Variants in PEX5L observed in about 807,000 individuals in gnomAD.
PEX5L encodes the protein PEX5-related protein.
Under a neutral mutation model 84.0 loss-of-function variants are expected in PEX5L, and 30 were observed. The ratio of observed to expected loss-of-function variants is 0.36; its 90% confidence interval spans 0.27 to 0.48. The LOEUF (loss-of-function observed/expected upper bound fraction) is 0.48. Ranked by LOEUF, PEX5L falls within the 20% of genes least tolerant of loss-of-function variation. PEX5L has a pLI of 0.99. For synonymous variants in PEX5L, 270 were observed against 283.1 expected (o/e 0.95, Z 0.46); for missense variants, 533 against 754.6 (o/e 0.71, Z 3.44).
chr3:180,021,353 G>C (rs200862183), intron 1 of PEX5L, among the ~76,000 whole-genome samples: 2 of 152,126 alleles, frequency 1.3e-5, no homozygotes, highest in Non-Finnish European at 2.9e-5. Context: ...TATTATTGTG[G>C]AGGCCAGTGT....
intron 2 of PEX5L, among the ~76,000 whole-genome samples, chr3:179,908,466 TTTTTA>T (rs1199425338): frequency 6.6e-5 from 10 of 152,336 alleles, no homozygotes; most frequent in East Asian, 1.9e-4. Context: ...GTTTTATCTT[TTTTTA>T]TTTTATTATT....
intron 2 of PEX5L, among the ~76,000 whole-genome samples, chr3:179,932,338 G>A (rs149066467): frequency 2.0e-5 from 3 of 152,022 alleles, no homozygotes; most frequent in African/African-American, 2.4e-5. Context: ...AATTACCTAC[G>A]GTGAATTTGA....
rs6805299 is a variant in PEX5L at position 179,894,586 on chromosome 3, G to T, written c.198+3556C>A. Among the ~76,000 whole-genome samples the T allele has an allele frequency of 5.5e-3, 833 of 152,194 alleles. 8 individuals carry two copies. Among genetic ancestry groups the T allele is most frequent in the African/African-American group, 0.019 (784 of 41,542 alleles). On this transcript the variant is annotated intron_variant, in intron 3 of 14. Transcript: ENST00000467460. Reference sequence around the variant, plus strand: ...TAACAATAAATTAAGGCAGGCAGGAGAATGTAATTAAGACAATTTTTTAAG... The same window carrying T: ...TAACAATAAATTAAGGCAGGCAGGATAATGTAATTAAGACAATTTTTTAAG...
intron 3 of PEX5L, among the ~76,000 whole-genome samples, chr3:179,888,832 A>G (rs989297994): frequency 1.3e-5 from 2 of 152,080 alleles, no homozygotes; most frequent in African/African-American, 2.4e-5. Flanking sequence ...TGGCATGATC[A>G]TAACTCACCG....
rs934382627 is a variant in PEX5L, at chr3:179,801,446, G to C, written c.*382C>G. On this transcript the variant is annotated 3_prime_UTR_variant, in exon 15 of 15. Transcript: ENST00000467460. ...AGTCAGAATTTCCCAATCTGAGGCA[G>C]TGCTTTTTCCATGTTTCCCATGAAC... 1 of 208,200 alleles carries C rather than the reference G, an allele frequency of 4.8e-6. No homozygotes were observed. The highest frequency in any genetic ancestry group is 9.9e-6 in the Non-Finnish European group (1 of 101,310). The allele number at this position is 208,200 out of a possible 1,614,324, so 12.9% of individuals were successfully genotyped here. A position where few individuals can be genotyped will look rare whatever the true frequency, so the allele number is the denominator to read the frequency against.
chr3:179,900,557 C>T, intron 2 of PEX5L: 2 of 732,860 alleles, frequency 2.7e-6, no homozygotes, highest in Non-Finnish European at 4.5e-6. Context: ...AAAACAAAAA[C>T]AAAACAAAAA....
chr3:179,913,552 C>T (rs1388803470), intron 2 of PEX5L, among the ~76,000 whole-genome samples: 1 of 151,912 alleles, frequency 6.6e-6, no homozygotes, highest in Admixed American at 6.6e-5. Flanking sequence ...AAACAATTTG[C>T]TCAGTAGGCT....
chr3:179,884,277 A>G (rs1010119028), intron 4 of PEX5L, among the ~76,000 whole-genome samples: 1 of 152,208 alleles, frequency 6.6e-6, no homozygotes, highest in South Asian at 2.1e-4. Context: ...TTGGAGACTG[A>G]AAGATTAATC....
intron 3 of PEX5L, among the ~76,000 whole-genome samples, chr3:179,890,019 A>G (rs3774249): frequency 0.27 from 40,503 of 152,144 alleles, 6,303 homozygotes; most frequent in East Asian, 0.61. Context: ...GTGTCCCAGA[A>G]TCTGTATCTC....
intron 3 of PEX5L, among the ~76,000 whole-genome samples, chr3:179,890,151 C>T (rs1757172352): frequency 6.6e-6 from 1 of 152,138 alleles, no homozygotes; most frequent in South Asian, 2.1e-4. Context: ...GTAATGAACT[C>T]ATCTAGTGTG....
chr3:179,986,659 C>T (rs1786879498), intron 1 of PEX5L, among the ~76,000 whole-genome samples: 1 of 152,116 alleles, frequency 6.6e-6, no homozygotes, highest in African/African-American at 2.4e-5. Flanking sequence ...GTCTTGGCCT[C>T]CCAAAGTGCT....
Position 179,887,789 on chromosome 3 carries a change from G to A in PEX5L, c.199-5C>T. The A allele has an allele frequency of 6.3e-7, 1 of 1,584,626 alleles. No homozygotes were observed. The highest frequency in any genetic ancestry group is 8.7e-7 in the Non-Finnish European group (1 of 1,153,332). ...TTCTTGTTGCTCATTCACCAGCTGA[G>A]AACAAATGAACAGAGGTGTCAAAGG... On this transcript the variant is annotated splice_polypyrimidine_tract_variant and splice_region_variant and intron_variant, in intron 3 of 14. Transcript: ENST00000467460.
At chr3:179,844,214 G>A (rs1356271520) in intron 8 of PEX5L, among the ~76,000 whole-genome samples, 1 of 152,210 alleles carries the variant, frequency 6.6e-6, no homozygotes, top group African/African-American at 2.4e-5. Flanking sequence ...CCTGAAGGAT[G>A]CAAAGCCGTT....
intron 9 of PEX5L, among the ~76,000 whole-genome samples, chr3:179,816,359 C>T (rs894034755): frequency 6.6e-6 from 1 of 152,152 alleles, no homozygotes. Context: ...CAATGATAGA[C>T]TGGATAAAGA....
At chr3:179,989,364 A>G (rs567643897) in intron 1 of PEX5L, among the ~76,000 whole-genome samples, 3 of 152,208 alleles carry the variant, frequency 2.0e-5, no homozygotes, top group Admixed American at 6.5e-5. Flanking sequence ...AATGCTCACC[A>G]TGCTTAGTTT....
chr3:179,974,819 C>A (rs968096982), intron 1 of PEX5L, among the ~76,000 whole-genome samples: 1 of 152,160 alleles, frequency 6.6e-6, no homozygotes, highest in African/African-American at 2.4e-5. Context: ...GTTTCCTACC[C>A]CTTTGTCCTC....
rs1241189078 is a variant in PEX5L at position 179,961,363 on chromosome 3, AT to A, written c.93+10230del. ...GAGAAAAGGAAGAAAGCAATGGAGC[AT>A]AAAAAAAAAAACAGGTTTGCAAGAA... On this transcript the variant is annotated intron_variant, in intron 2 of 14. Transcript: ENST00000467460. 4.7e-5 allele frequency among the ~76,000 whole-genome samples: 3 copies of A among 63,208 alleles called. No homozygotes were observed. In the Admixed American group the frequency reaches 6.0e-4, roughly 13 times the overall value. 41.5% of individuals were successfully genotyped at this position (63,208 alleles called of 152,430 possible). A position where few individuals can be genotyped will look rare whatever the true frequency, so the allele number is the denominator to read the frequency against.
chr3:179,809,643 A>C lies in PEX5L; in HGVS notation c.1180T>G (p.Leu394Val), dbSNP rs780069829. 1.7e-5 allele frequency: 28 copies of C among 1,610,348 alleles called. No homozygotes were observed. Among genetic ancestry groups the C allele is most frequent in the Non-Finnish European group, 2.3e-5 (27 of 1,179,102 alleles). ...ACAGCCAAGGCCATCAAAGCTTTTA[A>C]GTTGTTGGGCTGTAATTCTAAGCAC... is the stretch of plus-strand genomic sequence containing the variant. ...QRCLELQPNN[L>V]KALMALAVSY... Residue 394 changes from leucine to valine, a missense_variant, in exon 12 of 15, where the codon TTA (leucine) becomes GTA (valine). Leu to Val is a conservative substitution (Grantham distance 32). Around this residue, in one of 8 missense-constraint regions of PEX5L, gnomAD observed 32 missense variants for 45.5 expected, o/e 0.70. Coordinates refer to ENST00000467460, the MANE Select transcript of PEX5L (RefSeq NM_016559.3).
intron 2 of PEX5L, among the ~76,000 whole-genome samples, chr3:179,922,446 C>CTTTTTT (rs1560723831): frequency 1.4e-5 from 1 of 70,818 alleles, no homozygotes. Flanking sequence ...GCTTCCTTTT[C>CTTTTTT]TTTTCTTTTT....
Sources: allele counts gnomAD v4.1 joint callset (sites outside exome capture counted in the v4.1 genomes callset), GRCh38; gene constraint gnomAD v4.1.1; regional missense constraint gnomAD v4.1.1; transcripts MANE v1.5; gene names NCBI Gene and HGNC (gene_info 2026-07-23, HGNC 2026-07-21).